RANBP2: variants seen among roughly 807,000 people sequenced by gnomAD.
RANBP2 encodes E3 SUMO-protein ligase RanBP2.
A neutral mutation model predicts 303.6 loss-of-function variants in RANBP2; 57 were observed. The ratio of observed to expected loss-of-function variants is 0.19; its 90% CI spans 0.15 to 0.23. RANBP2 has a LOEUF of 0.23. Ranked by LOEUF, RANBP2 falls within the 10% of genes least tolerant of loss-of-function variation. RANBP2 has a pLI of 1.00. For missense variants in RANBP2, 3,138 were observed against 3,780.8 expected, an observed-to-expected ratio of 0.83 and a Z score of 4.46; for synonymous variants, 1,167 against 1,301.5, an observed-to-expected ratio of 0.90 and a Z score of 2.23.
chr2:109,715,246 C>T, the RANBP2 span, among the ~76,000 whole-genome samples: 138 of 152,222 alleles, frequency 9.1e-4, no homozygotes, highest in African/African-American at 3.3e-3. Flanking sequence ...GGATAACAGG[C>T]ATGAGCCACA....
the RANBP2 span, chr2:109,371,553 A>G: frequency 1.3e-6 from 2 of 1,587,520 alleles, no homozygotes; most frequent in Non-Finnish European, 1.7e-6. Flanking sequence ...GTGTGTCCGT[A>G]TGCTTGTGTC....
chr2:108,809,804 GTTT>G, the RANBP2 span, among the ~76,000 whole-genome samples: 1 of 151,422 alleles, frequency 6.6e-6, no homozygotes, highest in East Asian at 1.9e-4. Flanking sequence ...ATTTTTGTTT[GTTT>G]GTTTGTTTGT....
the RANBP2 span, among the ~76,000 whole-genome samples, chr2:108,947,226 G>A: frequency 1.3e-5 from 2 of 152,226 alleles, no homozygotes; most frequent in Non-Finnish European, 2.9e-5. Flanking sequence ...GCATGCTGAT[G>A]CAAGGGGTGG....
At chr2:109,667,257 C>A in the RANBP2 span, 6 of 809,784 alleles carry the variant, frequency 7.4e-6, no homozygotes, top group Non-Finnish European at 1.3e-5. Flanking sequence ...GAAGGACAGG[C>A]AGAGACCAAC....
At chr2:109,678,844 C>T in the RANBP2 span, among the ~76,000 whole-genome samples, 117 of 152,258 alleles carry the variant, frequency 7.7e-4, no homozygotes, top group African/African-American at 2.6e-3. Flanking sequence ...CCTATGTGGC[C>T]GTAGAGCCCT....
chr2:108,895,397 C>G, the RANBP2 span: 2 of 152,622 alleles, frequency 1.3e-5, no homozygotes, highest in African/African-American at 4.8e-5. Context: ...ACTCTAACCC[C>G]TGGTGTGATC....
chr2:109,024,362 C>G, the RANBP2 span, among the ~76,000 whole-genome samples: 11 of 152,328 alleles, frequency 7.2e-5, no homozygotes, highest in Admixed American at 7.2e-4. Flanking sequence ...CTGTAAGAAG[C>G]TGGTGTAAGT....
the RANBP2 span, among the ~76,000 whole-genome samples, chr2:109,329,433 A>G: frequency 6.6e-6 from 1 of 152,212 alleles, no homozygotes; most frequent in Non-Finnish European, 1.5e-5. Context: ...TTTCAATGAG[A>G]TGTAAATCAG....
At chr2:109,400,214 GC>G in the RANBP2 span, among the ~76,000 whole-genome samples, 5 of 152,094 alleles carry the variant, frequency 3.3e-5, no homozygotes, top group Non-Finnish European at 4.4e-5. Flanking sequence ...ACACACACTT[GC>G]ACACATGCAC....
chr2:108,929,357 T>A, the RANBP2 span: 2 of 1,614,112 alleles, frequency 1.2e-6, no homozygotes, highest in Non-Finnish European at 1.7e-6. Context: ...GTAGTCCTCG[T>A]CTTTGGTGCC....
the RANBP2 span, among the ~76,000 whole-genome samples, chr2:109,195,636 A>T: frequency 6.6e-6 from 1 of 152,218 alleles, no homozygotes; most frequent in South Asian, 2.1e-4. Flanking sequence ...CTTTCCCCGC[A>T]GGCAGCCTCT....
At chr2:109,210,651 G>C in the RANBP2 span, among the ~76,000 whole-genome samples, 8 of 152,250 alleles carry the variant, frequency 5.3e-5, no homozygotes, top group African/African-American at 1.9e-4. Flanking sequence ...TAAGGGGAGA[G>C]GTGGGGTCTG....
At chr2:109,230,653 C>T in the RANBP2 span, among the ~76,000 whole-genome samples, 1 of 152,186 alleles carries the variant, frequency 6.6e-6, no homozygotes, top group African/African-American at 2.4e-5. Flanking sequence ...GGGGTTATGT[C>T]CTGATAAACC....
intron 9 of RANBP2, 152 bp downstream of exon 9, chr2:108,749,281 G>A: frequency 1.4e-6 from 2 of 1,397,970 alleles, no homozygotes; most frequent in East Asian, 2.4e-5. Flanking sequence ...TGCTGTGGGG[G>A]TGGCATGTAT....
chr2:109,040,484 TAC>T, the RANBP2 span, among the ~76,000 whole-genome samples: 3 of 152,296 alleles, frequency 2.0e-5, no homozygotes, highest in South Asian at 2.1e-4. Context: ...TTTGGAAAAG[TAC>T]ACACACACAG....
chr2:109,405,371 C>T, the RANBP2 span, among the ~76,000 whole-genome samples: 1 of 152,160 alleles, frequency 6.6e-6, no homozygotes, highest in Non-Finnish European at 1.5e-5. Context: ...CACTGACTCC[C>T]TGCCCCTGAG....
chr2:109,442,655 T>A, the RANBP2 span, among the ~76,000 whole-genome samples: 10 of 152,158 alleles, frequency 6.6e-5, no homozygotes, highest in African/African-American at 2.4e-4. Flanking sequence ...TGTTATGAAA[T>A]CATTTGTAAA....
the RANBP2 span, among the ~76,000 whole-genome samples, chr2:109,239,649 T>C: frequency 6.6e-6 from 1 of 152,106 alleles, no homozygotes; most frequent in African/African-American, 2.4e-5. Flanking sequence ...GAGAGGCCGA[T>C]GAAGCCACTG....
chr2:108,749,490 G>T (rs1359570792), intron 9 of RANBP2, among the ~76,000 whole-genome samples: 1 of 152,012 alleles, frequency 6.6e-6, no homozygotes, highest in East Asian at 1.9e-4. Context: ...TAGAGACGGG[G>T]TTTCATCATG....
Sources: gnomAD v4.1 joint callset for allele counts (sites outside exome capture counted in the v4.1 genomes callset) on GRCh38, gnomAD v4.1.1 for gene constraint, MANE v1.5 for transcripts, NCBI Gene and HGNC (gene_info 2026-07-23, HGNC 2026-07-21) for gene names.